ADAP1: variants seen among roughly 807,000 people sequenced by gnomAD.
The protein encoded by ADAP1 is ArfGAP with dual PH domains 1, also known as arf-GAP with dual PH domain-containing protein 1.
A neutral mutation model predicts 54.9 loss-of-function variants in ADAP1; 31 were observed. The ratio of observed to expected loss-of-function variants is 0.56; its 90% CI spans 0.42 to 0.76. The LOEUF is 0.76. Ranked by LOEUF, ADAP1 falls within the 30% of genes least tolerant of loss-of-function variation. The pLI, the probability that ADAP1 is intolerant of heterozygous loss-of-function variation, is 0.00. For missense variants in ADAP1, 535 were observed against 512.4 expected (o/e 1.04, Z -0.42); for synonymous variants, 313 against 202.6 (o/e 1.55, Z -4.63).
In ADAP1 at chr7:945,708, G is replaced by GC; in HGVS notation, c.82+8687dup. 1.0e-6 allele frequency: 1 copy of GC among 981,606 alleles called. No individual in the cohort carries two copies. Among genetic ancestry groups the GC allele is most frequent in the Non-Finnish European group, 1.2e-6 (1 of 826,364 alleles). 60.8% of individuals were successfully genotyped at this position (981,606 alleles called of 1,614,324 possible). A position where few individuals can be genotyped will look rare whatever the true frequency, so the allele number is the denominator to read the frequency against. On this transcript the variant is annotated intron_variant, in intron 1 of 10. Transcript: ENST00000265846. This position sits in a 1 kb window ranked among gnomAD's most constrained non-coding sequence, Gnocchi z 4.2. ...AGGAGCTGCCTCCTCCTCGGAGACT[G>GC]CCCACAGCCGCCAGCCTCTTTCCCT...
intron 6 of ADAP1, 197 bp from the exon 7 acceptor site, chr7:900,813 G>C (rs11765907): frequency 0.58 from 376,685 of 646,532 alleles, 113,523 homozygotes; most frequent in Admixed American, 0.65. Context: ...TGCTACACAG[G>C]GGCTGCCCCT....
intron 6 of ADAP1, among the ~76,000 whole-genome samples, chr7:902,458 CAA>C (rs758277562): frequency 3.0e-5 from 2 of 66,526 alleles, no homozygotes; most frequent in Non-Finnish European, 5.5e-5. Flanking sequence ...AACTCTGCCT[CAA>C]AAAAAAAAAA....
intron 6 of ADAP1, among the ~76,000 whole-genome samples, chr7:902,017 C>A (rs1349338554): frequency 6.6e-6 from 1 of 152,112 alleles, no homozygotes; most frequent in Non-Finnish European, 1.5e-5. Context: ...CGCTGGAGCT[C>A]TGTGACCCTG....
At position 945,609 on chromosome 7, in the gene ADAP1, C is replaced by T. The variant is rs1210322779; in HGVS notation, c.82+8787G>A. Among the ~76,000 whole-genome samples the T allele has an allele frequency of 1.3e-5, 2 of 152,330 alleles. No homozygotes were observed. Among genetic ancestry groups the T allele is most frequent in the East Asian group, 3.9e-4 (2 of 5,182 alleles). On this transcript the variant is annotated intron_variant, in intron 1 of 10. Coordinates refer to ENST00000265846, the MANE Select transcript of ADAP1 (RefSeq NM_006869.4). The surrounding 1 kb of genome is among the most constrained non-coding windows in gnomAD (Gnocchi z 4.2). ...TGATGTGGTGGTGGAGATGGAGGCC[C>T]TGAGTGCCAGGTAGGGAGGGGCAGG...
Position 924,937 on chromosome 7 carries a change from G to A in ADAP1, c.305+1616C>T, listed in dbSNP as rs555413599. Among the ~76,000 whole-genome samples, 9 of 152,206 alleles carry A rather than the reference G, an allele frequency of 5.9e-5. No individual in the cohort carries two copies. The East Asian group carries it at 1.7e-3, about 29-fold the overall frequency. On this transcript the variant is annotated intron_variant, in intron 3 of 10. Coordinates refer to ENST00000265846, the MANE Select transcript of ADAP1 (RefSeq NM_006869.4). ...GGCAGGGTTCCCCTGTGAGGGCTCA[G>A]GGGGAGACAGCAGCTGGCACCTGGG... is the stretch of plus-strand genomic sequence containing the variant.
chr7:925,244 G>C lies in ADAP1; in HGVS notation c.305+1309C>G, dbSNP rs192132185. On this transcript the variant is annotated intron_variant, in intron 3 of 10. Transcript: ENST00000265846. Reference sequence around the variant, plus strand: ...CCAGCCCCTGCTCCCCGAAGACCCCGGGAGGGCCGGTTCATGCTGCAATCC... The same window carrying C: ...CCAGCCCCTGCTCCCCGAAGACCCCCGGAGGGCCGGTTCATGCTGCAATCC... Among the ~76,000 whole-genome samples the C allele has an allele frequency of 6.8e-3, 1,026 of 151,970 alleles. 12 individuals are homozygous for C. The highest frequency in any genetic ancestry group is 0.021 in the African/African-American group (859 of 41,450).
intron 1 of ADAP1, among the ~76,000 whole-genome samples, chr7:947,443 C>T (rs1370665753): frequency 1.3e-5 from 2 of 152,016 alleles, no homozygotes; most frequent in Admixed American, 6.5e-5. Flanking sequence ...CAGAGCTGCC[C>T]GTGTGGCTGC....
intron 1 of ADAP1, among the ~76,000 whole-genome samples, chr7:936,100 T>C (rs1846753303): frequency 6.6e-6 from 1 of 152,224 alleles, no homozygotes; most frequent in South Asian, 2.1e-4. Context: ...ACCCTGCATG[T>C]GGCCTGTCTA....
At chr7:935,220 AG>A in intron 2 of ADAP1, 154 bp downstream of exon 2, 1 of 1,060,650 alleles carries the variant, frequency 9.4e-7, no homozygotes, top group Non-Finnish European at 1.4e-6. Context: ...GCCGCTGGAG[AG>A]GGGGCGGGGT....
intron 4 of ADAP1, among the ~76,000 whole-genome samples, chr7:913,273 TCACTGCAAGCTC>T (rs1387439528): frequency 2.9e-5 from 4 of 135,952 alleles, no homozygotes; most frequent in Non-Finnish European, 6.1e-5. Context: ...TGATCTCCAC[TCACTGCAAGCTC>T]CACCTCCTGG....
intron 2 of ADAP1, among the ~76,000 whole-genome samples, chr7:933,099 C>G (rs1192922282): frequency 6.6e-6 from 1 of 151,934 alleles, no homozygotes; most frequent in African/African-American, 2.4e-5. Context: ...TGGTGAAACC[C>G]TTCTCTACTA....
At position 917,994 on chromosome 7, in the gene ADAP1, G is replaced by C. The variant is rs546818216; in HGVS notation, c.388+1974C>G. Among the ~76,000 whole-genome samples the C allele has an allele frequency of 1.2e-4, 18 of 152,262 alleles. No homozygotes were observed. In the South Asian group the frequency reaches 3.7e-3, roughly 32 times the overall value. On this transcript the variant is annotated intron_variant, in intron 4 of 10. Transcript: ENST00000265846. The stretch of plus-strand genomic sequence containing the variant: ...GAGCAACATGGGGTTTCGCCACGTT[G>C]CTCAGGCTGGTCTTGAACTCCTGAG...
chr7:930,827 A>AG (rs1846550262), intron 2 of ADAP1, among the ~76,000 whole-genome samples: 1 of 150,452 alleles, frequency 6.6e-6, no homozygotes, highest in South Asian at 2.1e-4. Context: ...AAAAAAAAAA[A>AG]GTAGCCAGGC....
intron 5 of ADAP1, 117 bp from the exon 6 acceptor site, chr7:904,389 C>T (rs1562909736): frequency 1.5e-6 from 2 of 1,358,074 alleles, no homozygotes; most frequent in Non-Finnish European, 2.0e-6. Flanking sequence ...TGGCTTTGGG[C>T]AAGTTACTTA....
intron 5 of ADAP1, among the ~76,000 whole-genome samples, chr7:904,529 G>A (rs1272611213): frequency 6.6e-6 from 1 of 152,116 alleles, no homozygotes; most frequent in Admixed American, 6.5e-5. Context: ...CCCTCCCCGG[G>A]GGCAGCCCCG....
intron 1 of ADAP1, among the ~76,000 whole-genome samples, chr7:948,013 G>A (rs778040598): frequency 2.7e-5 from 4 of 148,364 alleles, no homozygotes; most frequent in South Asian, 2.2e-4. Context: ...TCCCTCTTCC[G>A]GAGGGGCCGT....
chr7:899,495 G>A lies in ADAP1; in HGVS notation c.796-5C>T, dbSNP rs753993802. 10 of 1,612,346 alleles carry A rather than the reference G, an allele frequency of 6.2e-6. No individual in the cohort carries two copies. Among genetic ancestry groups the A allele is most frequent in the Admixed American group, 1.7e-5 (1 of 59,906 alleles). ...CTTCCGGAAGCCTTCCGTTTGCTGT[G>A]GGTCAGAGAGGGCCCGTGACCGGCA... On this transcript the variant is annotated splice_region_variant and splice_polypyrimidine_tract_variant and intron_variant, in intron 8 of 10. Coordinates refer to ENST00000265846, the MANE Select transcript of ADAP1 (RefSeq NM_006869.4).
chr7:906,782 CACGGGGGACGGGACAGGGGACAT>C (rs1845465376), intron 4 of ADAP1, among the ~76,000 whole-genome samples: 1 of 8,192 alleles, frequency 1.2e-4, no homozygotes, highest in Non-Finnish European at 2.9e-4. Context: ...GGACAGGGGA[CACGGGGGACGGGACAGGGGACAT>C]GGGGGGACAT....
chr7:944,688 C>T (rs1847095626), intron 1 of ADAP1, among the ~76,000 whole-genome samples: 1 of 152,230 alleles, frequency 6.6e-6, no homozygotes, highest in African/African-American at 2.4e-5. Flanking sequence ...CACCCATCAC[C>T]TCAAGCGTGT....
Sources: allele counts gnomAD v4.1 joint callset (sites outside exome capture counted in the v4.1 genomes callset), GRCh38; gene constraint gnomAD v4.1.1; non-coding constraint Gnocchi (gnomAD v3.1); transcripts MANE v1.5; gene names NCBI Gene and HGNC (gene_info 2026-07-23, HGNC 2026-07-21).